Variants in ZNF175 observed in about 807,000 individuals in gnomAD.
ZNF175 encodes the protein zinc finger protein 175.
Under a neutral mutation model 14.0 loss-of-function variants are expected in ZNF175, and 8 were observed. The ratio of observed to expected loss-of-function variants is 0.57; its 90% CI spans 0.34 to 1.03. The LOEUF is 1.03. ZNF175 is among the 50% of genes least tolerant of loss of function. The pLI is 0.03. For synonymous variants in ZNF175, 255 were observed against 296.8 expected, an observed-to-expected ratio of 0.86 and a Z score of 1.45; for missense variants, 764 against 849.5, an observed-to-expected ratio of 0.90 and a Z score of 1.25.
At position 51,587,019 on chromosome 19, in the gene ZNF175, G is replaced by C. The variant is rs764530221; in HGVS notation, c.688G>C (p.Gly230Arg). The C allele has an allele frequency of 6.2e-7, 1 of 1,614,168 alleles. No individual in the cohort carries two copies. The highest frequency in any genetic ancestry group is 1.7e-5 in the Admixed American group (1 of 60,022). ...TEQLDDVVGSGQLFSHSSSDA... is the reference protein window; with the variant it reads ...TEQLDDVVGSRQLFSHSSSDA... ...ACAGCTTGATGACGTTGTTGGGTCT[G>C]GTCAGCTATTCAGCCATAGCTCTTC... Residue 230 changes from glycine (G) to arginine (R), a missense_variant, in exon 5 of 5, where the codon GGT becomes CGT. Gly to Arg is a moderately radical substitution (Grantham distance 125). Coordinates refer to ENST00000262259, the MANE Select transcript of ZNF175 (RefSeq NM_007147.4).
chr19:51,572,793 C>A (rs1397030982), intron 1 of ZNF175, among the ~76,000 whole-genome samples: 1 of 152,180 alleles, frequency 6.6e-6, no homozygotes, highest in Non-Finnish European at 1.5e-5. Context: ...ATTAAATTGA[C>A]AACTTTCTTT....
At chr19:51,582,066 A>C (rs1982025284) in intron 4 of ZNF175, among the ~76,000 whole-genome samples, 184 bp downstream of exon 4, 1 of 152,142 alleles carries the variant, frequency 6.6e-6, no homozygotes, top group Admixed American at 6.6e-5. Context: ...CTGCCTTAAG[A>C]ATTTTCCATT....
At chr19:51,584,064 G>T (rs1982094329) in intron 4 of ZNF175, among the ~76,000 whole-genome samples, 1 of 152,190 alleles carries the variant, frequency 6.6e-6, no homozygotes, top group Non-Finnish European at 1.5e-5. Flanking sequence ...AAATTCAAAA[G>T]AACGGAGATT....
At chr19:51,586,545 G>A (rs1300018895) in intron 4 of ZNF175, 82 bp from the exon 5 acceptor site, 9 of 1,391,386 alleles carry the variant, frequency 6.5e-6, no homozygotes, top group South Asian at 1.5e-5. Flanking sequence ...CAATTTCCTT[G>A]TGTTCTGTGT....
chr19:51,590,551 C>G lies in ZNF175; in HGVS notation c.*2084C>G, dbSNP rs1160781920. 2 of 152,210 alleles carry G rather than the reference C, an allele frequency of 1.3e-5. No individual in the cohort carries two copies. The highest frequency in any genetic ancestry group is 2.9e-5 in the Non-Finnish European group (2 of 68,062). The allele number at this position is 152,210 out of a possible 1,614,324, so 9.4% of individuals were successfully genotyped here. A position where few individuals can be genotyped will look rare whatever the true frequency, so the allele number is the denominator to read the frequency against. On this transcript the variant is annotated 3_prime_UTR_variant, in exon 5 of 5. Coordinates refer to ENST00000262259, the MANE Select transcript of ZNF175 (RefSeq NM_007147.4). ...TACCCCTTCAAGGTTGATAGGGGCC[C>G]ACACAGCTGGTCAGGAACCAGCACA... is the stretch of plus-strand genomic sequence containing the variant.
chr19:51,587,323 G>T lies in ZNF175; in HGVS notation c.992G>T (p.Gly331Val), dbSNP rs560989082. ...KLSVYLTDHT[G>V]DIPCICKECG... is the part of the protein sequence containing the mutation. The stretch of plus-strand genomic sequence containing the variant: ...AGTGTATATCTGACAGATCATACAG[G>T]TGATATACCCTGTATATGCAAGGAA... Residue 331 changes from glycine to valine, a missense_variant, in exon 5 of 5, where the codon GGT becomes GTT. Physicochemically the swap from Gly to Val is moderately radical, Grantham distance 109. Transcript: ENST00000262259. 2 of 1,614,196 alleles carry T rather than the reference G, an allele frequency of 1.2e-6. No individual in the cohort carries two copies. Among genetic ancestry groups the T allele is most frequent in the East Asian group, 4.5e-5 (2 of 44,880 alleles).
chr19:51,574,983 G>A (rs1387554404), intron 2 of ZNF175, among the ~76,000 whole-genome samples: 1 of 152,042 alleles, frequency 6.6e-6, no homozygotes, highest in African/African-American at 2.4e-5. Context: ...TCTTTGTGGT[G>A]TGTATTTCCC....
Position 51,587,116 on chromosome 19 carries a change from G to A in ZNF175, c.785G>A (p.Gly262Asp), listed in dbSNP as rs1416610859. The stretch of plus-strand genomic sequence containing the variant: ...GGTAACCAGTGTAGAAAAGTCTGTG[G>A]CCATAAACAGTCACTCAAGCAACAT... ...CKGNQCRKVC[G>D]HKQSLKQHQI... The change falls in exon 5 of 5, where the codon GGC becomes GAC. Residue 262 changes from glycine to aspartate, a missense_variant. Physicochemically the swap from Gly to Asp is moderately conservative, Grantham distance 94. Transcript: ENST00000262259. The A allele has an allele frequency of 1.9e-6, 3 of 1,614,008 alleles. No individual in the cohort carries two copies. The African/African-American group carries it at 4.0e-5, about 22-fold the overall frequency.
chr19:51,589,975 G>A lies in ZNF175; in HGVS notation c.*1508G>A, dbSNP rs986313375. The A allele has an allele frequency of 4.4e-5, 9 of 205,696 alleles. No individual in the cohort carries two copies. The highest frequency in any genetic ancestry group is 6.9e-5 in the African/African-American group (3 of 43,230). 12.7% of individuals were successfully genotyped at this position (205,696 alleles called of 1,614,324 possible). ...GATTTATAAAACTCAGATCTCTTACGTGTGTGGATGGTATTTTTTTCATTC... is the reference window on the plus strand; with the variant it reads ...GATTTATAAAACTCAGATCTCTTACATGTGTGGATGGTATTTTTTTCATTC... On this transcript the variant is annotated 3_prime_UTR_variant, in exon 5 of 5. Transcript: ENST00000262259.
rs1360844067 is a variant in ZNF175, at chr19:51,590,249, C to G, written c.*1782C>G. 6.6e-6 allele frequency: 1 copy of G among 152,428 alleles called. No individual in the cohort carries two copies. The highest frequency in any genetic ancestry group is 2.4e-5 in the African/African-American group (1 of 41,432). The allele number at this position is 152,428 out of a possible 1,614,324, so 9.4% of individuals were successfully genotyped here. ...CTCTCTACCCTCTGCATCTGCTGAG[C>G]AAGTTATTTGGTCTCATCTATTCTG... On this transcript the variant is annotated 3_prime_UTR_variant, in exon 5 of 5. Transcript: ENST00000262259.
chr19:51,573,049 C>A, intron 1 of ZNF175, 101 bp from the exon 2 acceptor site: 1 of 406,646 alleles, frequency 2.5e-6, no homozygotes. Flanking sequence ...TGAACTTTGT[C>A]TACTCCAATG....
At chr19:51,579,734 C>T (rs1215703070) in intron 2 of ZNF175, among the ~76,000 whole-genome samples, 1 of 152,122 alleles carries the variant, frequency 6.6e-6, no homozygotes, top group African/African-American at 2.4e-5. Context: ...TTTCCCATGA[C>T]CCAGAATTCC....
In ZNF175 at chr19:51,588,402, A is replaced by C. The variant is rs762266179; in HGVS notation, c.2071A>C (p.Thr691Pro). ...CAGGTCAAACTTCAATAAACACCAA[A>C]CAACTCATACCAGAGACAAATCTTA... ...NNRSNFNKHQ[T>P]THTRDKSYKC... The change falls in exon 5 of 5, where the codon ACA (threonine) becomes CCA (proline). Residue 691 changes from threonine (T) to proline (P), a missense_variant. By Grantham distance (38) the Thr-to-Pro change is conservative (BLOSUM62 -1). Coordinates refer to ENST00000262259, the MANE Select transcript of ZNF175 (RefSeq NM_007147.4). 3 of 1,608,330 alleles carry C rather than the reference A, an allele frequency of 1.9e-6. No homozygotes were observed. In the South Asian group the frequency reaches 3.3e-5, roughly 18 times the overall value.
In ZNF175 at chr19:51,589,713, T is replaced by C. The variant is rs930223304; in HGVS notation, c.*1246T>C. 1.3e-5 allele frequency: 8 copies of C among 637,176 alleles called. No individual in the cohort carries two copies. The highest frequency in any genetic ancestry group is 1.8e-5 in the African/African-American group (1 of 54,942). The allele number at this position is 637,176 out of a possible 1,614,324, so 39.5% of individuals were successfully genotyped here. ...ACTGTTTTTTTAAAATAAAGTTTTA[T>C]TGGAACACAGCCATGTTCATTTGGA... On this transcript the variant is annotated 3_prime_UTR_variant, in exon 5 of 5. Transcript: ENST00000262259.
In ZNF175 at chr19:51,587,469, A is replaced by G; in HGVS notation, c.1138A>G (p.Arg380Gly). ...KAFFQMLSLF[R>G]HQRTHSREKL... is the part of the protein sequence containing the mutation. The stretch of plus-strand genomic sequence containing the variant: ...CTTTTTCCAGATGTTATCTCTCTTC[A>G]GACATCAGAGAACTCACAGTAGAGA... The change falls in exon 5 of 5, where the codon AGA (arginine) becomes GGA (glycine). Residue 380 changes from arginine to glycine, a missense_variant. Arg to Gly is a moderately radical substitution (Grantham distance 125). Coordinates refer to ENST00000262259, the MANE Select transcript of ZNF175 (RefSeq NM_007147.4). 4 of 1,614,254 alleles carry G rather than the reference A, an allele frequency of 2.5e-6. No individual in the cohort carries two copies. Among genetic ancestry groups the G allele is most frequent in the Non-Finnish European group, 3.4e-6 (4 of 1,180,032 alleles).
Position 51,573,241 on chromosome 19 carries a change from G to T in ZNF175, c.-89G>T. 1 of 1,344,382 alleles carries T rather than the reference G, an allele frequency of 7.4e-7. No individual in the cohort carries two copies. Among genetic ancestry groups the T allele is most frequent in the Non-Finnish European group, 1.1e-6 (1 of 941,878 alleles). 83.3% of individuals were successfully genotyped at this position (1,344,382 alleles called of 1,614,324 possible). ...ACGACTCTCCGCCGTGTCCCTGGTT[G>T]GAAAATCCAAACACCTATCCAGCTT... On this transcript the variant is annotated 5_prime_UTR_variant, in exon 2 of 5. Coordinates refer to ENST00000262259, the MANE Select transcript of ZNF175 (RefSeq NM_007147.4).
rs1441185725 is a variant in ZNF175, at chr19:51,590,543, T to C, written c.*2076T>C. 2 of 152,302 alleles carry C rather than the reference T, an allele frequency of 1.3e-5. No individual in the cohort carries two copies. Among genetic ancestry groups the C allele is most frequent in the South Asian group, 2.1e-4 (1 of 4,818 alleles). 9.4% of individuals were successfully genotyped at this position (152,302 alleles called of 1,614,324 possible). A position where few individuals can be genotyped will look rare whatever the true frequency, so the allele number is the denominator to read the frequency against. ...AGTCTCCATACCCCTTCAAGGTTGA[T>C]AGGGGCCCACACAGCTGGTCAGGAA... On this transcript the variant is annotated 3_prime_UTR_variant, in exon 5 of 5. Transcript: ENST00000262259.
Position 51,587,035 on chromosome 19 carries a change from A to G in ZNF175, c.704A>G (p.His235Arg). Residue 235 changes from histidine to arginine, a missense_variant, in exon 5 of 5, where the codon CAT (histidine) becomes CGT (arginine). Coordinates refer to ENST00000262259, the MANE Select transcript of ZNF175 (RefSeq NM_007147.4). ...GTTGGGTCTGGTCAGCTATTCAGCCATAGCTCTTCTGATGCCTGCAGCAAG... is the reference window on the plus strand; with the variant it reads ...GTTGGGTCTGGTCAGCTATTCAGCCGTAGCTCTTCTGATGCCTGCAGCAAG... Reference protein sequence around the residue: ...DVVGSGQLFSHSSSDACSKNI... With the variant: ...DVVGSGQLFSRSSSDACSKNI... The G allele has an allele frequency of 1.2e-6, 2 of 1,614,222 alleles. No individual in the cohort carries two copies. The highest frequency in any genetic ancestry group is 8.5e-7 in the Non-Finnish European group (1 of 1,180,018).
Position 51,573,391 on chromosome 19 carries a change from G to A in ZNF175, c.62G>A (p.Gly21Glu), listed in dbSNP as rs1168077959. 2 of 1,612,446 alleles carry A rather than the reference G, an allele frequency of 1.2e-6. No individual in the cohort carries two copies. The highest frequency in any genetic ancestry group is 1.1e-5 in the South Asian group (1 of 90,832). ...GTCCTGGGTCCAGAGAAGCAGGATG[G>A]ATCTTGCGAGGTAAACAGGGGCAGC... is the stretch of plus-strand genomic sequence containing the variant. ...PQVLGPEKQD[G>E]SCEASVSFED... The change falls in exon 2 of 5, where the codon GGA (glycine) becomes GAA (glutamate). Residue 21 changes from glycine to glutamate, a missense_variant. Coordinates refer to ENST00000262259, the MANE Select transcript of ZNF175 (RefSeq NM_007147.4).
Sources: gnomAD v4.1 joint callset for allele counts (sites outside exome capture counted in the v4.1 genomes callset) on GRCh38, gnomAD v4.1.1 for gene constraint, MANE v1.5 for transcripts, NCBI Gene and HGNC (gene_info 2026-07-23, HGNC 2026-07-21) for gene names.